SPATA22: variants seen among roughly 807,000 people sequenced by gnomAD.
The protein encoded by SPATA22 is spermatogenesis-associated protein 22.
In SPATA22, 29 loss-of-function variants were observed where a neutral mutation model predicts 47.8. That is an observed-to-expected ratio of 0.61 (90% CI 0.45 to 0.83). The LOEUF (loss-of-function observed/expected upper bound fraction) is 0.83, where lower values mean the gene tolerates loss of function less well. SPATA22 is among the 40% of genes least tolerant of loss of function. SPATA22 has a pLI of 0.00. For missense variants in SPATA22, 410 were observed against 421.7 expected (o/e 0.97, Z 0.24); for synonymous variants, 133 against 140.9 (o/e 0.94, Z 0.40).
chr17:3,447,234 C>G (rs114920148), intron 6 of SPATA22, among the ~76,000 whole-genome samples: 2,157 of 151,950 alleles, frequency 0.014, 57 homozygotes, highest in African/African-American at 0.049. Context: ...ACAGTGGGAA[C>G]AGCAAGTATA....
chr17:3,440,136 T>A lies in SPATA22; in HGVS notation c.*11A>T, dbSNP rs1236938017. On this transcript the variant is annotated 3_prime_UTR_variant, in exon 9 of 9. Coordinates refer to ENST00000572969, the MANE Select transcript of SPATA22 (RefSeq NM_001170698.2). ...TGCTATAATTTATGCTAAACTTCCT[T>A]TTATCACTACTTAAGTTTCATTCAT... The A allele has an allele frequency of 6.7e-7, 1 of 1,497,602 alleles. No homozygotes were observed. Among genetic ancestry groups the A allele is most frequent in the East Asian group, 2.4e-5 (1 of 41,120 alleles). The allele number at this position is 1,497,602 out of a possible 1,614,324, so 92.8% of individuals were successfully genotyped here.
intron 1 of SPATA22, among the ~76,000 whole-genome samples, chr17:3,493,610 G>A (rs1362785771): frequency 7.0e-6 from 1 of 143,344 alleles, no homozygotes; most frequent in East Asian, 2.0e-4. Context: ...CGATACTGAA[G>A]TCACCTCAGT....
Position 3,505,225 on chromosome 17 carries a change from C to T in SPATA22, c.-74+8187G>A, listed in dbSNP as rs1191947412. Among the ~76,000 whole-genome samples the T allele has an allele frequency of 2.0e-5, 3 of 152,330 alleles. No individual in the cohort carries two copies. The East Asian group carries it at 5.8e-4, about 29-fold the overall frequency. On this transcript the variant is annotated intron_variant, in intron 1 of 8. Transcript: ENST00000541913. ...GCTCATTGCCAGTACTAGACTGGCACTTACCCAAATTGCAACCGTAATGCT... is the reference window on the plus strand; with the variant it reads ...GCTCATTGCCAGTACTAGACTGGCATTTACCCAAATTGCAACCGTAATGCT...
rs140404373 is a variant in SPATA22, at chr17:3,496,726, G to A, written c.-74+16686C>T. Among the ~76,000 whole-genome samples the A allele has an allele frequency of 1.0e-3, 155 of 152,288 alleles. 1 individual carries two copies. Among genetic ancestry groups the A allele is most frequent in the African/African-American group, 3.5e-3 (147 of 41,562 alleles). On this transcript the variant is annotated intron_variant, in intron 1 of 8. Transcript: ENST00000541913. ...ACCCACCACAAACTACTAAAGTAGCGCTTCTCAAACTTGAGCCACATGACA... is the reference window on the plus strand; with the variant it reads ...ACCCACCACAAACTACTAAAGTAGCACTTCTCAAACTTGAGCCACATGACA...
intron 1 of SPATA22, among the ~76,000 whole-genome samples, chr17:3,482,940 CT>C (rs2073658153): frequency 9.2e-6 from 1 of 108,552 alleles, no homozygotes; most frequent in African/African-American, 3.5e-5. Flanking sequence ...TCCCTCCCCC[CT>C]CCCCCCACCC....
At chr17:3,499,248 T>G in intron 1 of SPATA22, 1 of 600,590 alleles carries the variant, frequency 1.7e-6, no homozygotes, top group Non-Finnish European at 2.8e-6. Flanking sequence ...TTAATTAATA[T>G]ATCTTTAAAG....
At chr17:3,467,348 CATT>C (rs1249443118) in intron 3 of SPATA22, 75 bp downstream of exon 3, 13 of 1,156,356 alleles carry the variant, frequency 1.1e-5, no homozygotes, top group Non-Finnish European at 1.6e-5. Flanking sequence ...TTTCTATTTT[CATT>C]ATAATATAAA....
chr17:3,482,882 C>T (rs34109510), intron 1 of SPATA22, among the ~76,000 whole-genome samples: 59,229 of 146,742 alleles, frequency 0.4, 14,033 homozygotes, highest in Non-Finnish European at 0.56. Flanking sequence ...GTTGGTGTGC[C>T]GCACCCATTA....
intron 1 of SPATA22, chr17:3,513,114 AC>A (rs2074136038): frequency 6.6e-6 from 1 of 152,586 alleles, no homozygotes; most frequent in African/African-American, 2.4e-5. Flanking sequence ...TGCTCTGGGC[AC>A]CCTGAGGCCA....
In SPATA22 at chr17:3,449,016, G is replaced by A; in HGVS notation, c.463C>T (p.Gln155Ter). The A allele has an allele frequency of 1.2e-6, 2 of 1,613,934 alleles. No individual in the cohort carries two copies. The highest frequency in any genetic ancestry group is 1.7e-6 in the Non-Finnish European group (2 of 1,179,918). Residue 155 changes from glutamine to a stop codon, truncating the protein, a stop_gained, in exon 6 of 9, where the codon CAA (glutamine) becomes TAA (stop). Transcript: ENST00000572969. LOFTEE classifies it high-confidence loss of function. ...SCPVSSGAQQQKQLRIPEPPN... is the reference protein window; with the variant it reads ...SCPVSSGAQQ ...GGTTCAGGTATTCTTAATTGTTTTT[G>A]TTGTTGAGCTCCCGAACTCACTGGA...
upstream of SPATA22, chr17:3,475,898 T>G: frequency 2.0e-6 from 1 of 491,586 alleles, no homozygotes; most frequent in Non-Finnish European, 3.7e-6. Context: ...GAGTTAGAAG[T>G]TAAAGTAAAC....
intron 1 of SPATA22, chr17:3,499,969 C>A (rs1266967093): frequency 6.6e-6 from 1 of 152,182 alleles, no homozygotes; most frequent in Non-Finnish European, 1.5e-5. Context: ...ATTAAAAATT[C>A]TACTCCAGTG....
upstream of SPATA22, chr17:3,475,589 AGAG>A (rs1425908694): frequency 6.5e-6 from 1 of 154,146 alleles, no homozygotes; most frequent in Admixed American, 6.4e-5. Context: ...CGCCGGTTCA[AGAG>A]GAGGTCTCTG....
intron 7 of SPATA22, among the ~76,000 whole-genome samples, chr17:3,445,864 T>C (rs544715185): frequency 3.3e-5 from 5 of 152,100 alleles, no homozygotes; most frequent in Non-Finnish European, 7.4e-5. Context: ...AGTTTCCCAT[T>C]GCTGCTTACA....
upstream of SPATA22, among the ~76,000 whole-genome samples, chr17:3,476,715 C>T (rs975163932): frequency 4.6e-5 from 7 of 152,132 alleles, no homozygotes; most frequent in Non-Finnish European, 1.0e-4. Flanking sequence ...AGATTTAATA[C>T]TCCTTTGCAT....
intron 1 of SPATA22, among the ~76,000 whole-genome samples, chr17:3,479,979 T>C (rs2073599232): frequency 1.3e-5 from 2 of 152,206 alleles, no homozygotes; most frequent in South Asian, 4.1e-4. Context: ...GAAAAACTAC[T>C]GGCCCTTGTG....
rs1469706922 is a variant in SPATA22, at chr17:3,471,810, C to A, written c.-202G>T. The A allele has an allele frequency of 3.0e-6, 3 of 985,378 alleles. No individual in the cohort carries two copies. The highest frequency in any genetic ancestry group is 1.7e-5 in the African/African-American group (1 of 57,254). 61.0% of individuals were successfully genotyped at this position (985,378 alleles called of 1,614,324 possible). Reference sequence around the variant, plus strand: ...CCGCCCTTCCCGCCCGCGAAGAAAGCGCGGGAATCAGGCTGTTCGCAGGCG... The same window carrying A: ...CCGCCCTTCCCGCCCGCGAAGAAAGAGCGGGAATCAGGCTGTTCGCAGGCG... On this transcript the variant is annotated 5_prime_UTR_variant, in exon 1 of 9. Coordinates refer to ENST00000572969, the MANE Select transcript of SPATA22 (RefSeq NM_001170698.2).
rs187585601 is a variant in SPATA22 at position 3,468,037 on chromosome 17, C to G, written c.44-483G>C. On this transcript the variant is annotated intron_variant, in intron 2 of 8. Transcript: ENST00000572969. ...CTGGAATTCTGCTTAATGTGCAGTT[C>G]CTAGACTCCACTCTCATAGATTTTA... Among the ~76,000 whole-genome samples, 371 of 152,300 alleles carry G rather than the reference C, an allele frequency of 2.4e-3. 2 individuals carry two copies. Among genetic ancestry groups the G allele is most frequent in the African/African-American group, 8.7e-3 (361 of 41,558 alleles).
rs545223532 is a variant in SPATA22, at chr17:3,458,855, C to CAAAAAAAAAAAAAAAAAAAAAAAA, written c.329+3604_329+3627dup. Among the ~76,000 whole-genome samples the CAAAAAAAAAAAAAAAAAAAAAAAA allele has an allele frequency of 6.5e-4, 25 of 38,342 alleles. 1 individual carries two copies. The highest frequency in any genetic ancestry group is 1.4e-3 in the South Asian group (1 of 732). The allele number at this position is 38,342 out of a possible 152,430, so 25.2% of individuals were successfully genotyped here. ...CCTGGGCAACAAGAGCGAAACTTCACAAAAAAAAAAAAAAAAAAAAAAAAA... is the reference window on the plus strand; with the variant it reads ...CCTGGGCAACAAGAGCGAAACTTCACAAAAAAAAAAAAAAAAAAAAAAAAAAAAAAAAAAAAAAAAAAAAAAAAA... On this transcript the variant is annotated intron_variant, in intron 5 of 8. Coordinates refer to ENST00000572969, the MANE Select transcript of SPATA22 (RefSeq NM_001170698.2).
Sources: gnomAD v4.1 joint callset for allele counts (sites outside exome capture counted in the v4.1 genomes callset) on GRCh38, gnomAD v4.1.1 for gene constraint, MANE v1.5 for transcripts, NCBI Gene and HGNC (gene_info 2026-07-23, HGNC 2026-07-21) for gene names.